The following PDGFRB variants were observed in gnomAD, a reference collection of about 807,000 sequenced individuals.
The protein encoded by PDGFRB is platelet derived growth factor receptor beta, also known as platelet-derived growth factor receptor beta.
Under a neutral mutation model 120.2 loss-of-function variants are expected in PDGFRB, and 42 were observed. The observed-to-expected ratio is 0.35, with a 90% CI of 0.27 to 0.45. PDGFRB has a LOEUF of 0.45. PDGFRB is among the 20% of genes least tolerant of loss of function. The probability of loss-of-function intolerance (pLI) is 1.00; values close to 1 mark genes in which losing one functional copy is unlikely to be tolerated. For synonymous variants in PDGFRB, 586 were observed against 606.8 expected (o/e 0.97, Z 0.50); for missense variants, 1,149 against 1,476.3 (o/e 0.78, Z 3.63).
chr5:150,121,208 T>C lies in PDGFRB; in HGVS notation c.2459A>G (p.Lys820Arg), dbSNP rs2113889498. 3.3e-6 allele frequency: 5 copies of C among 1,528,546 alleles called. No homozygotes were observed. Among genetic ancestry groups the C allele is most frequent in the Non-Finnish European group, 4.5e-6 (5 of 1,101,956 alleles). The allele number at this position is 1,528,546 out of a possible 1,614,324, so 94.7% of individuals were successfully genotyped here. ...VANGMEFLAS[K>R]NCVHRDLAAR... is the part of the protein sequence containing the mutation. ...CCCCACCAACACCACACGTACGTTC[T>C]TGGAGGCCAGAAACTCCATGCCATT... Residue 820 changes from lysine (K) to arginine (R), a missense_variant, in exon 17 of 23, where the codon AAG (lysine) becomes AGG (arginine). Coordinates refer to ENST00000261799, the MANE Select transcript of PDGFRB (RefSeq NM_002609.4). This position sits in a 1 kb window ranked among gnomAD's most constrained non-coding sequence, Gnocchi z 4.1.
At chr5:150,124,477 T>C in intron 13 of PDGFRB, 117 bp from the exon 14 acceptor site, 2 of 753,760 alleles carry the variant, frequency 2.7e-6, no homozygotes, top group South Asian at 3.6e-5. Context: ...CCAGGCAGCC[T>C]GGCGGGGGTG....
At chr5:150,153,901 C>T (rs1299694655) in intron 1 of PDGFRB, 3 of 152,168 alleles carry the variant, frequency 2.0e-5, no homozygotes, top group Non-Finnish European at 4.4e-5. Context: ...TCAGTGAGCT[C>T]CTCCTCCCTT....
chr5:150,144,574 C>G (rs1212462962), intron 1 of PDGFRB, among the ~76,000 whole-genome samples: 1 of 152,248 alleles, frequency 6.6e-6, no homozygotes, highest in Non-Finnish European at 1.5e-5. Flanking sequence ...CAGCCCGAGC[C>G]CCGCTCTCCT....
chr5:150,117,365 A>C (rs578105503), intron 22 of PDGFRB, among the ~76,000 whole-genome samples: 2 of 152,264 alleles, frequency 1.3e-5, no homozygotes, highest in South Asian at 4.1e-4. Flanking sequence ...CCTTAAAGGA[A>C]ATAGCTACCT....
intron 1 of PDGFRB, among the ~76,000 whole-genome samples, chr5:150,138,530 A>G (rs1442046636): frequency 6.6e-6 from 1 of 152,172 alleles, no homozygotes; most frequent in Non-Finnish European, 1.5e-5. Flanking sequence ...CCCAAGAAAC[A>G]GTCTGAGCAA....
At chr5:150,117,547 CA>C in intron 22 of PDGFRB, 70 bp downstream of exon 22, 1 of 447,406 alleles carries the variant, frequency 2.2e-6, no homozygotes, top group Non-Finnish European at 3.4e-6. Flanking sequence ...CGCGCGCGCA[CA>C]CACACACACA....
rs371341863 is a variant in PDGFRB at position 150,123,088 on chromosome 5, C to T, written c.2137G>A (p.Ala713Thr). ...HHSDKRRPPS[A>T]ELYSNALPVG... is the part of the protein sequence containing the mutation. ...GGCAGAGCATTGCTGTAGAGCTCCG[C>T]GCTGGGCGGGCGGCGCTTGTCGGAG... Residue 713 changes from alanine (A) to threonine (T), a missense_variant, in exon 15 of 23, where the codon GCG (alanine) becomes ACG (threonine). Ala to Thr is a moderately conservative substitution (Grantham distance 58, BLOSUM62 0). Transcript: ENST00000261799. 2.5e-5 allele frequency: 41 copies of T among 1,613,820 alleles called. No homozygotes were observed. The highest frequency in any genetic ancestry group is 3.3e-5 in the Admixed American group (2 of 60,008).
In PDGFRB at chr5:150,124,365, G is replaced by A. The variant is rs2113895199; in HGVS notation, c.1913-5C>T. On this transcript the variant is annotated splice_polypyrimidine_tract_variant and splice_region_variant and intron_variant, in intron 13 of 22. Transcript: ENST00000261799. ...TCTCACTGCTGCGGGCTGTGGCTGA[G>A]GAAAATGGGGGCCCCAGGCCAGGCC... is the stretch of plus-strand genomic sequence containing the variant. 1 of 1,611,234 alleles carries A rather than the reference G, an allele frequency of 6.2e-7. No homozygotes were observed. The highest frequency in any genetic ancestry group is 8.5e-7 in the Non-Finnish European group (1 of 1,177,450).
At chr5:150,139,893 T>G (rs534436521) in intron 1 of PDGFRB, among the ~76,000 whole-genome samples, 2 of 151,182 alleles carry the variant, frequency 1.3e-5, no homozygotes, top group African/African-American at 4.9e-5. Flanking sequence ...GGCAGGAGAA[T>G]CGCTTGAACC....
Position 150,121,302 on chromosome 5 carries a change from C to A in PDGFRB, c.2365G>T (p.Ala789Ser), listed in dbSNP as rs190620156. The part of the protein sequence containing the change: ...VPSAPERTCR[A>S]TLINESPVLS... Reference sequence around the variant, plus strand: ...ACTGGAGACTCGTTGATCAAAGTTGCTCGGCAGGTCCTCTCAGGGGCTAGA... The same window carrying A: ...ACTGGAGACTCGTTGATCAAAGTTGATCGGCAGGTCCTCTCAGGGGCTAGA... The change falls in exon 17 of 23, where the codon GCA becomes TCA. Residue 789 changes from alanine to serine, a missense_variant. Transcript: ENST00000261799. This position sits in a 1 kb window ranked among gnomAD's most constrained non-coding sequence, Gnocchi z 4.1. The A allele has an allele frequency of 1.0e-4, 159 of 1,581,414 alleles. No individual in the cohort carries two copies. The East Asian group carries it at 3.5e-3, about 35-fold the overall frequency.
In PDGFRB at chr5:150,119,996, G is replaced by C. The variant is rs1476582101; in HGVS notation, c.2698+16C>G. On this transcript the variant is annotated intron_variant, in intron 19 of 22. Transcript: ENST00000261799. Reference sequence around the variant, plus strand: ...CAGGCCAGGATGCTGAGGGCTGGAGGAGGAAGCAAGCATACCCAAGGTGAA... The same window carrying C: ...CAGGCCAGGATGCTGAGGGCTGGAGCAGGAAGCAAGCATACCCAAGGTGAA... 1 of 1,268,594 alleles carries C rather than the reference G, an allele frequency of 7.9e-7. No individual in the cohort carries two copies. Among genetic ancestry groups the C allele is most frequent in the Admixed American group, 1.7e-5 (1 of 59,608 alleles). 78.6% of individuals were successfully genotyped at this position (1,268,594 alleles called of 1,614,324 possible). A position where few individuals can be genotyped will look rare whatever the true frequency, so the allele number is the denominator to read the frequency against.
At chr5:150,128,315 A>T (rs933658749) in intron 10 of PDGFRB, among the ~76,000 whole-genome samples, 1 of 152,252 alleles carries the variant, frequency 6.6e-6, no homozygotes, top group Non-Finnish European at 1.5e-5. Context: ...GTGTGGGAGC[A>T]TGGGTGAAAT....
chr5:150,141,345 C>A (rs1760778940), intron 1 of PDGFRB, among the ~76,000 whole-genome samples: 1 of 152,242 alleles, frequency 6.6e-6, no homozygotes. Flanking sequence ...GCCAGAAAGC[C>A]CGTGTTACTG....
chr5:150,148,996 G>A (rs1232220027), intron 1 of PDGFRB, among the ~76,000 whole-genome samples: 1 of 152,212 alleles, frequency 6.6e-6, no homozygotes, highest in Admixed American at 6.5e-5. Context: ...GAAGGAGGCA[G>A]CAGGAGGCCA....
intron 1 of PDGFRB, chr5:150,153,340 G>C (rs773522603): frequency 8.5e-5 from 13 of 152,278 alleles, no homozygotes; most frequent in Non-Finnish European, 1.9e-4. Context: ...TCAGACCTGA[G>C]GCTGCACTTT....
At chr5:150,117,544 G>GCGCGCT in intron 22 of PDGFRB, 74 bp downstream of exon 22, 1 of 513,916 alleles carries the variant, frequency 1.9e-6, no homozygotes, top group Non-Finnish European at 3.3e-6. Flanking sequence ...GCGCGCGCGC[G>GCGCGCT]CACACACACA....
chr5:150,140,118 G>A (rs1011049296), intron 1 of PDGFRB, among the ~76,000 whole-genome samples: 8 of 152,098 alleles, frequency 5.3e-5, no homozygotes, highest in African/African-American at 1.7e-4. Flanking sequence ...GCAGAGAAGG[G>A]CTTAGGGCAC....
rs115509803 is a variant in PDGFRB, at chr5:150,123,854, A to G, written c.2023+396T>C. Among the ~76,000 whole-genome samples, 682 of 152,370 alleles carry G rather than the reference A, an allele frequency of 4.5e-3. 4 individuals are homozygous for G. The highest frequency in any genetic ancestry group is 0.016 in the African/African-American group (656 of 41,582). ...GCTTCAAATAGACCCAGTTGGCCAC[A>G]GAGACTTTCTTCTATGATCAAATGA... On this transcript the variant is annotated intron_variant, in intron 14 of 22. Coordinates refer to ENST00000261799, the MANE Select transcript of PDGFRB (RefSeq NM_002609.4).
intron 11 of PDGFRB, 86 bp from the exon 12 acceptor site, chr5:150,125,663 G>T (rs1760274741): frequency 7.5e-7 from 1 of 1,339,598 alleles, no homozygotes; most frequent in Middle Eastern, 1.9e-4. Flanking sequence ...GACACATGGG[G>T]CAGGAGACCC....
Sources: allele counts gnomAD v4.1 joint callset (sites outside exome capture counted in the v4.1 genomes callset), GRCh38; gene constraint gnomAD v4.1.1; non-coding constraint Gnocchi (gnomAD v3.1); transcripts MANE v1.5; gene names NCBI Gene and HGNC (gene_info 2026-07-23, HGNC 2026-07-21).